NUP88: variants seen among roughly 807,000 people sequenced by gnomAD.
NUP88 encodes nucleoporin 88.
NUP88 carries 57 observed loss-of-function variants against 93.9 expected under a neutral mutation model. That is an observed-to-expected ratio of 0.61 (90% confidence interval 0.49 to 0.76). The LOEUF (loss-of-function observed/expected upper bound fraction) is 0.76. NUP88 is among the 30% of genes least tolerant of loss of function. The pLI is 0.00. For missense variants in NUP88, 911 were observed against 901.0 expected (o/e 1.01, Z -0.14); for synonymous variants, 346 against 336.8 (o/e 1.03, Z -0.30).
intron 3 of NUP88, among the ~76,000 whole-genome samples, chr17:5,413,430 A>G (rs1913957266): frequency 6.6e-6 from 1 of 152,222 alleles, no homozygotes; most frequent in Non-Finnish European, 1.5e-5. Context: ...AATAAAACTG[A>G]AGGTATCTGT....
In NUP88 at chr17:5,386,757, T is replaced by C; in HGVS notation, c.2113A>G (p.Ile705Val). 1 of 1,614,100 alleles carries C rather than the reference T, an allele frequency of 6.2e-7. No individual in the cohort carries two copies. Reference sequence around the variant, plus strand: ...CACTTTCGCTGGTAGGCACTGAGAATAATGGTGGGTTTTGGAAGACTCAAC... The same window carrying C: ...CACTTTCGCTGGTAGGCACTGAGAACAATGGTGGGTTTTGGAAGACTCAAC... ...KVLSLPKPTI[I>V]LSAYQRKCIQ... is the part of the protein sequence containing the mutation. The change falls in exon 16 of 17, where the codon ATT becomes GTT. Residue 705 changes from isoleucine to valine, a missense_variant. Physicochemically the swap from Ile to Val is conservative, Grantham distance 29. Coordinates refer to ENST00000573584, the MANE Select transcript of NUP88 (RefSeq NM_002532.6).
At chr17:5,418,185 G>A (rs542867465) in intron 1 of NUP88, 15 of 151,944 alleles carry the variant, frequency 9.9e-5, no homozygotes, top group African/African-American at 3.6e-4. Context: ...AAATAATTAA[G>A]TTATGATTAT....
At position 5,387,513 on chromosome 17, in the gene NUP88, C is replaced by A. The variant is rs368986899; in HGVS notation, c.1836-47G>T. 844 of 1,598,720 alleles carry A rather than the reference C, an allele frequency of 5.3e-4. 1 individual carries two copies. The highest frequency in any genetic ancestry group is 9.5e-4 in the Admixed American group (57 of 60,008). Reference sequence around the variant, plus strand: ...GACTCTTGAGGTCCACCCCTTGATGCTGAAACCACCTAATGTGGCTCAGCA... The same window carrying A: ...GACTCTTGAGGTCCACCCCTTGATGATGAAACCACCTAATGTGGCTCAGCA... On this transcript the variant is annotated intron_variant, in intron 13 of 16. Transcript: ENST00000573584.
intron 8 of NUP88, among the ~76,000 whole-genome samples, chr17:5,397,844 A>AT (rs79561286): frequency 0.44 from 66,324 of 151,798 alleles, 15,237 homozygotes; most frequent in East Asian, 0.84. Context: ...AGGCTGCTAG[A>AT]TTTTTTTTAA....
rs541437005 is a variant in NUP88, at chr17:5,408,760, A to G, written c.830T>C (p.Phe277Ser). 2.1e-5 allele frequency: 34 copies of G among 1,609,876 alleles called. No homozygotes were observed. In the South Asian group the frequency reaches 3.0e-4, roughly 14 times the overall value. The change falls in exon 5 of 17, where the codon TTC becomes TCC. Residue 277 changes from phenylalanine to serine, a missense_variant. Coordinates refer to ENST00000573584, the MANE Select transcript of NUP88 (RefSeq NM_002532.6). Reference sequence around the variant, plus strand: ...GTGTAACAGACTGATGTATGTCAGGAAAGTCTCTCCATTTTCATATAAGAT... The same window carrying G: ...GTGTAACAGACTGATGTATGTCAGGGAAGTCTCTCCATTTTCATATAAGAT... ...LYILYENGETFLTYISLLHSP... is the reference protein window; with the variant it reads ...LYILYENGETSLTYISLLHSP...
rs746441008 is a variant in NUP88, at chr17:5,419,319, G to A, written c.297+35C>T. 2.0e-6 allele frequency: 3 copies of A among 1,522,516 alleles called. No individual in the cohort carries two copies. The South Asian group carries it at 3.8e-5, about 19-fold the overall frequency. The allele number at this position is 1,522,516 out of a possible 1,614,324, so 94.3% of individuals were successfully genotyped here. A position where few individuals can be genotyped will look rare whatever the true frequency, so the allele number is the denominator to read the frequency against. ...AACAAAAAAGACTGGTTCCGATCCCGGTGAGGGTCACTTCCAAGATCGGCC... is the reference window on the plus strand; with the variant it reads ...AACAAAAAAGACTGGTTCCGATCCCAGTGAGGGTCACTTCCAAGATCGGCC... On this transcript the variant is annotated intron_variant, in intron 1 of 16. Transcript: ENST00000573584.
At chr17:5,410,219 T>C (rs899612483) in intron 4 of NUP88, among the ~76,000 whole-genome samples, 26 of 152,298 alleles carry the variant, frequency 1.7e-4, no homozygotes, top group Admixed American at 1.5e-3. Context: ...TTTGATCTAT[T>C]TTTCTCAATT....
intron 9 of NUP88, among the ~76,000 whole-genome samples, chr17:5,392,963 T>G (rs1456370270): frequency 6.6e-6 from 1 of 151,718 alleles, no homozygotes; most frequent in Non-Finnish European, 1.5e-5. Flanking sequence ...TAATTTTTTT[T>G]TTTGTTTGAG....
rs761954103 is a variant in NUP88 at position 5,399,691 on chromosome 17, A to G, written c.1193-41T>C. On this transcript the variant is annotated intron_variant, in intron 7 of 16. Transcript: ENST00000573584. The stretch of plus-strand genomic sequence containing the variant: ...TTAATGATACAAAGGTAGCCAGTGG[A>G]TAACTAAAAAAATTTACCTCAAATT... 4.5e-6 allele frequency: 5 copies of G among 1,110,670 alleles called. No homozygotes were observed. The East Asian group carries it at 7.7e-5, about 17-fold the overall frequency. 68.8% of individuals were successfully genotyped at this position (1,110,670 alleles called of 1,614,324 possible).
intron 7 of NUP88, among the ~76,000 whole-genome samples, chr17:5,403,408 C>G (rs994170556): frequency 3.3e-5 from 5 of 152,118 alleles, no homozygotes; most frequent in African/African-American, 1.2e-4. Flanking sequence ...ACCCAGGAGG[C>G]GGAGGTTGCA....
At position 5,391,628 on chromosome 17, in the gene NUP88, G is replaced by A. The variant is rs1378675929; in HGVS notation, c.1417C>T (p.Pro473Ser). 1.2e-6 allele frequency: 2 copies of A among 1,613,956 alleles called. No individual in the cohort carries two copies. Among genetic ancestry groups the A allele is most frequent in the South Asian group, 2.2e-5 (2 of 91,082 alleles). The change falls in exon 10 of 17, where the codon CCT (proline) becomes TCT (serine). Residue 473 changes from proline to serine, a missense_variant. Coordinates refer to ENST00000573584, the MANE Select transcript of NUP88 (RefSeq NM_002532.6). ...PAPIRGFWIVPDILGPTMICI... is the reference protein window; with the variant it reads ...PAPIRGFWIVSDILGPTMICI... The stretch of plus-strand genomic sequence containing the variant: ...ATCATCGTGGGTCCCAGAATGTCAG[G>A]TACAATCCAAAATCCTCGAATTGGA...
At chr17:5,417,230 T>C (rs1168064124) in intron 1 of NUP88, among the ~76,000 whole-genome samples, 1 of 152,196 alleles carries the variant, frequency 6.6e-6, no homozygotes, top group African/African-American at 2.4e-5. Flanking sequence ...GAGTGAAGGT[T>C]ATTGAGATAG....
chr17:5,401,990 G>C (rs1171533317), intron 7 of NUP88, among the ~76,000 whole-genome samples: 2 of 152,138 alleles, frequency 1.3e-5, no homozygotes, highest in African/African-American at 4.8e-5. Flanking sequence ...AAATTTCTTA[G>C]TTTCACATAT....
chr17:5,419,414 TAAG>T lies in NUP88; in HGVS notation c.234_236del (p.Phe78del), dbSNP rs1413680729. 1.6e-5 allele frequency: 26 copies of T among 1,612,882 alleles called. No individual in the cohort carries two copies. The highest frequency in any genetic ancestry group is 2.0e-5 in the Non-Finnish European group (23 of 1,179,330). ...CGCTGGGGCCCCGAAGGCGAACGAC[TAAG>T]AAGGAGCTGTCTTCTCCGTCCCACA... On this transcript the variant is annotated inframe_deletion, in exon 1 of 17. Coordinates refer to ENST00000573584, the MANE Select transcript of NUP88 (RefSeq NM_002532.6).
At chr17:5,413,926 C>G in intron 3 of NUP88, 83 bp downstream of exon 3, 1 of 1,441,092 alleles carries the variant, frequency 6.9e-7, no homozygotes, top group Non-Finnish European at 9.6e-7. Flanking sequence ...TGACTCACTT[C>G]GTTCTATGTT....
At chr17:5,402,694 G>A (rs940108834) in intron 7 of NUP88, among the ~76,000 whole-genome samples, 1 of 152,152 alleles carries the variant, frequency 6.6e-6, no homozygotes, top group Non-Finnish European at 1.5e-5. Flanking sequence ...TGAATGACAC[G>A]ATTTCATTCT....
At chr17:5,415,493 G>C (rs1914083308) in intron 2 of NUP88, among the ~76,000 whole-genome samples, 1 of 152,148 alleles carries the variant, frequency 6.6e-6, no homozygotes, top group Admixed American at 6.5e-5. Flanking sequence ...TTTAAAATGA[G>C]GAAACAGATT....
chr17:5,406,322 T>C (rs922219163), intron 5 of NUP88, among the ~76,000 whole-genome samples: 1 of 152,096 alleles, frequency 6.6e-6, no homozygotes, highest in Non-Finnish European at 1.5e-5. Context: ...GACAAAGAAC[T>C]AAGAACAAGA....
chr17:5,411,437 A>C (rs941108071), intron 3 of NUP88, among the ~76,000 whole-genome samples: 2 of 152,002 alleles, frequency 1.3e-5, no homozygotes, highest in Non-Finnish European at 2.9e-5. Flanking sequence ...GGTGGCACAC[A>C]CCTGTAATCC....
Sources: allele counts gnomAD v4.1 joint callset (sites outside exome capture counted in the v4.1 genomes callset), GRCh38; gene constraint gnomAD v4.1.1; transcripts MANE v1.5; gene names NCBI Gene and HGNC (gene_info 2026-07-23, HGNC 2026-07-21).